The following RECK variants were observed in gnomAD, a reference collection of about 807,000 sequenced individuals.
RECK encodes reversion-inducing cysteine-rich protein with Kazal motifs.
Under a neutral mutation model 115.1 loss-of-function variants are expected in RECK, and 69 were observed. That is an observed-to-expected ratio of 0.60 (90% CI 0.49 to 0.73). RECK has a LOEUF of 0.73. Ranked by LOEUF, RECK falls within the 30% of genes least tolerant of loss-of-function variation. The probability of loss-of-function intolerance (pLI) is 0.00; values close to 1 mark genes in which losing one functional copy is unlikely to be tolerated. For synonymous variants in RECK, 414 were observed against 419.7 expected (o/e 0.99, Z 0.17); for missense variants, 1,047 against 1,203.7 (o/e 0.87, Z 1.93).
intron 6 of RECK, among the ~76,000 whole-genome samples, chr9:36,078,884 GTTTA>G (rs201531755): frequency 2.0e-5 from 3 of 148,362 alleles, no homozygotes; most frequent in East Asian, 2.0e-4. Flanking sequence ...TTGTTTGTTT[GTTTA>G]TTTGTTTATT....
intron 1 of RECK, among the ~76,000 whole-genome samples, 189 bp from the exon 2 acceptor site, chr9:36,052,076 G>A (rs1219067503): frequency 6.6e-6 from 1 of 152,084 alleles, no homozygotes; most frequent in East Asian, 1.9e-4. Flanking sequence ...CTTGAGGACA[G>A]GGACCATGTC....
Position 36,124,441 on chromosome 9 carries a change from A to T in RECK, c.*1396A>T, listed in dbSNP as rs1824567249. ...AAGCTTTTCTATTTTAATAAAAATA[A>T]TTTTTATATGATCATGCATGCTTCT... On this transcript the variant is annotated 3_prime_UTR_variant, in exon 21 of 21. Transcript: ENST00000377966. The T allele has an allele frequency of 6.6e-6, 1 of 152,536 alleles. No individual in the cohort carries two copies. Among genetic ancestry groups the T allele is most frequent in the South Asian group, 2.1e-4 (1 of 4,824 alleles). 9.4% of individuals were successfully genotyped at this position (152,536 alleles called of 1,614,324 possible).
At chr9:36,098,685 T>C (rs369814508) in intron 10 of RECK, among the ~76,000 whole-genome samples, 56 of 152,126 alleles carry the variant, frequency 3.7e-4, no homozygotes, top group African/African-American at 1.2e-3. Context: ...GCCCAAAAAA[T>C]GGGGGAGAGG....
chr9:36,046,428 A>T (rs959003346), intron 1 of RECK, among the ~76,000 whole-genome samples: 2 of 152,256 alleles, frequency 1.3e-5, no homozygotes, highest in Non-Finnish European at 2.9e-5. Context: ...AAAATATGCA[A>T]CGTTAAAGAT....
chr9:36,109,387 T>TG (rs1223858896), intron 14 of RECK, among the ~76,000 whole-genome samples: 1 of 152,178 alleles, frequency 6.6e-6, no homozygotes, highest in Non-Finnish European at 1.5e-5. Context: ...CCTGGACAGA[T>TG]GAGCTTTCAA....
At chr9:36,053,279 T>C (rs1588273400) in intron 2 of RECK, among the ~76,000 whole-genome samples, 1 of 152,192 alleles carries the variant, frequency 6.6e-6, no homozygotes, top group African/African-American at 2.4e-5. Context: ...TCTTTCAGGC[T>C]TGGTCATGTA....
chr9:36,038,235 C>T (rs1292766006), intron 1 of RECK, among the ~76,000 whole-genome samples: 1 of 151,938 alleles, frequency 6.6e-6, no homozygotes, highest in Admixed American at 6.6e-5. Context: ...ATTGCTCGAG[C>T]CCCGGGAAGT....
intron 10 of RECK, among the ~76,000 whole-genome samples, chr9:36,099,153 A>G (rs4878638): frequency 0.58 from 88,673 of 151,692 alleles, 26,989 homozygotes; most frequent in African/African-American, 0.74. Context: ...CTGAGCCCAC[A>G]AGGTCGAGGC....
intron 16 of RECK, among the ~76,000 whole-genome samples, chr9:36,114,160 AT>A (rs1824166094): frequency 3.3e-5 from 5 of 152,222 alleles, no homozygotes; most frequent in Non-Finnish European, 7.3e-5. Flanking sequence ...AGTAACATTC[AT>A]CACTACTTCC....
intron 10 of RECK, among the ~76,000 whole-genome samples, chr9:36,093,117 C>T (rs1025001219): frequency 3.3e-5 from 5 of 152,102 alleles, no homozygotes; most frequent in African/African-American, 9.7e-5. Context: ...GGAGTACATA[C>T]GACATCCAAG....
chr9:36,088,091 T>C, intron 9 of RECK, 130 bp downstream of exon 9: 1 of 685,678 alleles, frequency 1.5e-6, no homozygotes, highest in Non-Finnish European at 2.4e-6. Context: ...TAAAATATTA[T>C]TTCATCCAAC....
At chr9:36,101,491 T>C (rs1823564760) in intron 11 of RECK, among the ~76,000 whole-genome samples, 1 of 152,184 alleles carries the variant, frequency 6.6e-6, no homozygotes, top group South Asian at 2.1e-4. Flanking sequence ...CAGAGTCCAG[T>C]CTATTCTCTG....
Position 36,065,228 on chromosome 9 carries a change from T to TAAAAAAAAAAAA in RECK, c.358-333_358-322dup, listed in dbSNP as rs561725701. ...AATTTGCTACAGAGTGGAATTCAGC[T>TAAAAAAAAAAAA]AAAAAAAAAAAAAAAAAAAAAAAAA... On this transcript the variant is annotated intron_variant, in intron 5 of 20. Transcript: ENST00000377966. Among the ~76,000 whole-genome samples the TAAAAAAAAAAAA allele has an allele frequency of 2.8e-4, 14 of 50,554 alleles. 2 individuals are homozygous for TAAAAAAAAAAAA. The highest frequency in any genetic ancestry group is 3.5e-4 in the Non-Finnish European group (9 of 25,734). The allele number at this position is 50,554 out of a possible 152,430, so 33.2% of individuals were successfully genotyped here. A position where few individuals can be genotyped will look rare whatever the true frequency, so the allele number is the denominator to read the frequency against.
chr9:36,048,126 A>AATATATATATATATATAT lies in RECK; in HGVS notation c.101-4122_101-4105dup, dbSNP rs56726335. Among the ~76,000 whole-genome samples, 219 of 115,286 alleles carry AATATATATATATATATAT rather than the reference A, an allele frequency of 1.9e-3. 4 individuals are homozygous for AATATATATATATATATAT. The highest frequency in any genetic ancestry group is 5.8e-3 in the African/African-American group (134 of 22,974). 75.6% of individuals were successfully genotyped at this position (115,286 alleles called of 152,430 possible). On this transcript the variant is annotated intron_variant, in intron 1 of 20. Transcript: ENST00000377966. ...TACACACGCACAGACACACAGGTTGAATATATATATATATATATATATATA... is the reference window on the plus strand; with the variant it reads ...TACACACGCACAGACACACAGGTTGAATATATATATATATATATATATATATATATATATATATATATA...
chr9:36,113,171 C>T lies in RECK; in HGVS notation c.2060+695C>T, dbSNP rs191669597. On this transcript the variant is annotated intron_variant, in intron 16 of 20. Coordinates refer to ENST00000377966, the MANE Select transcript of RECK (RefSeq NM_021111.3). ...GGATTTCTGTATGGGGCAGCCACCACGGCAGGCATCTTGCTGACCCTTAGG... is the reference window on the plus strand; with the variant it reads ...GGATTTCTGTATGGGGCAGCCACCATGGCAGGCATCTTGCTGACCCTTAGG... Among the ~76,000 whole-genome samples the T allele has an allele frequency of 3.9e-5, 6 of 152,318 alleles. No individual in the cohort carries two copies. In the East Asian group the frequency reaches 5.8e-4, roughly 15 times the overall value.
intron 13 of RECK, among the ~76,000 whole-genome samples, chr9:36,106,731 T>C (rs1172290506): frequency 6.6e-6 from 1 of 152,058 alleles, no homozygotes; most frequent in Non-Finnish European, 1.5e-5. Flanking sequence ...TATAAGTTGG[T>C]CAGTATTTTC....
intron 15 of RECK, among the ~76,000 whole-genome samples, chr9:36,112,079 C>A (rs970927295): frequency 1.4e-5 from 2 of 141,930 alleles, no homozygotes; most frequent in Non-Finnish European, 3.0e-5. Flanking sequence ...GCCAAGATTG[C>A]GCCACTGCAC....
At chr9:36,072,521 G>A (rs1822272870) in intron 6 of RECK, among the ~76,000 whole-genome samples, 1 of 152,174 alleles carries the variant, frequency 6.6e-6, no homozygotes, top group South Asian at 2.1e-4. Flanking sequence ...AAGGAATCGT[G>A]TGATACTTTG....
chr9:36,057,995 A>G (rs566722579), intron 2 of RECK, among the ~76,000 whole-genome samples: 1 of 151,378 alleles, frequency 6.6e-6, no homozygotes, highest in African/African-American at 2.4e-5. Context: ...TTAAAAAGTC[A>G]GGAAACAACA....
Sources: allele counts gnomAD v4.1 joint callset (sites outside exome capture counted in the v4.1 genomes callset), GRCh38; gene constraint gnomAD v4.1.1; transcripts MANE v1.5; gene names NCBI Gene and HGNC (gene_info 2026-07-23, HGNC 2026-07-21).